Variants in PGPEP1L observed in about 807,000 individuals in gnomAD.
PGPEP1L encodes pyroglutamyl-peptidase I like.
A neutral mutation model predicts 6.0 loss-of-function variants in PGPEP1L; 7 were observed. That is an observed-to-expected ratio of 1.17 (90% CI 0.66 to 2.19). The LOEUF is 2.19. Among genes scored for constraint, PGPEP1L ranks in the 30% most tolerant of loss-of-function variants. The pLI, the probability that PGPEP1L is intolerant of heterozygous loss-of-function variation, is 0.00. For synonymous variants in PGPEP1L, 103 were observed against 83.9 expected (o/e 1.23, Z -1.24); for missense variants, 209 against 192.5 (o/e 1.09, Z -0.51).
intron 2 of PGPEP1L, among the ~76,000 whole-genome samples, chr15:98,989,810 G>C (rs1372809542): frequency 1.3e-5 from 2 of 152,180 alleles, no homozygotes; most frequent in East Asian, 3.8e-4. Context: ...ATCCAGAAGA[G>C]AGTGGGGGCC....
intron 2 of PGPEP1L, among the ~76,000 whole-genome samples, chr15:98,977,616 G>A (rs2017589446): frequency 6.6e-6 from 1 of 152,144 alleles, no homozygotes; most frequent in Non-Finnish European, 1.5e-5. Context: ...TCTCTGTCTT[G>A]GCAAACACTG....
intron 2 of PGPEP1L, among the ~76,000 whole-genome samples, chr15:98,995,291 CTCT>C (rs1251017890): frequency 7.2e-5 from 11 of 152,196 alleles, no homozygotes; most frequent in African/African-American, 2.2e-4. Context: ...CACTAATTTT[CTCT>C]TCATTTGTCT....
At chr15:99,000,871 A>G (rs2017957714) in intron 2 of PGPEP1L, among the ~76,000 whole-genome samples, 1 of 152,106 alleles carries the variant, frequency 6.6e-6, no homozygotes, top group Admixed American at 6.5e-5. Context: ...ACACTGTGGA[A>G]GCTTTGTTCT....
chr15:98,986,036 CTCT>C (rs1350177390), intron 2 of PGPEP1L, among the ~76,000 whole-genome samples: 2 of 152,220 alleles, frequency 1.3e-5, no homozygotes, highest in Non-Finnish European at 2.9e-5. Context: ...CAGCATGCAG[CTCT>C]TCTTAGAATC....
intron 2 of PGPEP1L, among the ~76,000 whole-genome samples, chr15:99,001,840 C>T (rs921600047): frequency 6.6e-6 from 1 of 152,268 alleles, no homozygotes; most frequent in Non-Finnish European, 1.5e-5. Flanking sequence ...GCCTCAGCCT[C>T]CTAAGTAGCT....
intron 2 of PGPEP1L, among the ~76,000 whole-genome samples, chr15:98,995,672 G>A (rs1033317584): frequency 6.6e-6 from 1 of 152,140 alleles, no homozygotes; most frequent in African/African-American, 2.4e-5. Context: ...CTCCAGCCTG[G>A]GCGACAGAGC....
At chr15:98,978,284 G>A (rs957826604) in intron 2 of PGPEP1L, among the ~76,000 whole-genome samples, 1 of 152,130 alleles carries the variant, frequency 6.6e-6, no homozygotes, top group Admixed American at 6.6e-5. Flanking sequence ...TGGGAGAGTC[G>A]GGGCACCCCT....
At chr15:98,976,814 G>A (rs2017576609) in intron 2 of PGPEP1L, among the ~76,000 whole-genome samples, 1 of 152,244 alleles carries the variant, frequency 6.6e-6, no homozygotes, top group African/African-American at 2.4e-5. Context: ...TTTTAGTGGA[G>A]ATAATACATT....
intron 2 of PGPEP1L, among the ~76,000 whole-genome samples, chr15:98,987,432 C>A (rs1555471624): frequency 6.6e-6 from 1 of 151,700 alleles, no homozygotes; most frequent in Non-Finnish European, 1.5e-5. Flanking sequence ...CTGATAGACG[C>A]AACACCACCA....
intron 2 of PGPEP1L, among the ~76,000 whole-genome samples, chr15:98,977,464 T>C (rs2017586940): frequency 1.3e-5 from 2 of 152,370 alleles, no homozygotes. Context: ...TAGAAGTATC[T>C]TGTTTGGTTT....
intron 1 of PGPEP1L, among the ~76,000 whole-genome samples, chr15:99,006,605 G>A (rs147265589): frequency 1.8e-4 from 27 of 152,338 alleles, no homozygotes; most frequent in African/African-American, 3.6e-4. Context: ...AAGGTAGGAG[G>A]ATAGCCTGAG....
chr15:98,976,097 C>T (rs1008652072), intron 2 of PGPEP1L, among the ~76,000 whole-genome samples: 3 of 151,990 alleles, frequency 2.0e-5, no homozygotes, highest in Admixed American at 2.0e-4. Context: ...TGTTAATGAA[C>T]ACAGAGTGTT....
At chr15:98,972,498 T>C (rs1380446428) in intron 2 of PGPEP1L, among the ~76,000 whole-genome samples, 1 of 151,086 alleles carries the variant, frequency 6.6e-6, no homozygotes, top group Non-Finnish European at 1.5e-5. Flanking sequence ...AACCAGAAAA[T>C]AAGTATCACA....
intron 1 of PGPEP1L, among the ~76,000 whole-genome samples, chr15:99,006,726 G>C (rs782069548): frequency 2.0e-5 from 3 of 152,214 alleles, no homozygotes; most frequent in African/African-American, 4.8e-5. Context: ...TGAAGCGGGA[G>C]GATCACTTGA....
chr15:98,987,394 C>T (rs2017762749), intron 2 of PGPEP1L, among the ~76,000 whole-genome samples: 1 of 151,940 alleles, frequency 6.6e-6, no homozygotes, highest in Admixed American at 6.6e-5. Context: ...TGCACTCACC[C>T]TCAACATTCC....
chr15:98,979,633 C>CTTTTTTTTTTTTT lies in PGPEP1L; in HGVS notation c.-141-8488_-141-8476dup, dbSNP rs568793204. ...AACCTGGATGGGATTGGAGACTATT[C>CTTTTTTTTTTTTT]TTTTTTTTTTTTTTTTTTTTTTTTT... On this transcript the variant is annotated intron_variant, in intron 2 of 4. Coordinates refer to ENST00000535714, the MANE Select transcript of PGPEP1L (RefSeq NM_001167902.2). Among the ~76,000 whole-genome samples, 18 of 46,508 alleles carry CTTTTTTTTTTTTT rather than the reference C, an allele frequency of 3.9e-4. 1 individual carries two copies. The highest frequency in any genetic ancestry group is 5.6e-4 in the Non-Finnish European group (12 of 21,272). 30.5% of individuals were successfully genotyped at this position (46,508 alleles called of 152,430 possible).
chr15:98,971,546 C>A (rs2017497970), intron 2 of PGPEP1L, among the ~76,000 whole-genome samples: 1 of 152,024 alleles, frequency 6.6e-6, no homozygotes, highest in Admixed American at 6.6e-5. Context: ...AAAAACCCAC[C>A]AACAACAATA....
chr15:98,976,719 G>A (rs149162004), intron 2 of PGPEP1L, among the ~76,000 whole-genome samples: 26 of 152,330 alleles, frequency 1.7e-4, no homozygotes, highest in Admixed American at 1.6e-3. Context: ...GCTGGCTGGA[G>A]GAGGGCATGG....
chr15:98,996,301 G>A (rs1309216780), intron 2 of PGPEP1L, among the ~76,000 whole-genome samples: 2 of 152,138 alleles, frequency 1.3e-5, no homozygotes, highest in African/African-American at 2.4e-5. Context: ...AATTGCATAA[G>A]CTTCTGCAGG....
Sources: gnomAD v4.1 joint callset for allele counts (sites outside exome capture counted in the v4.1 genomes callset) on GRCh38, gnomAD v4.1.1 for gene constraint, MANE v1.5 for transcripts, NCBI Gene and HGNC (gene_info 2026-07-23, HGNC 2026-07-21) for gene names.